HECTD4: variants seen among roughly 807,000 people sequenced by gnomAD.
HECTD4 encodes probable E3 ubiquitin-protein ligase HECTD4.
A neutral mutation model predicts 471.5 loss-of-function variants in HECTD4; 114 were observed. That is an observed-to-expected ratio of 0.24 (90% confidence interval 0.21 to 0.28). The LOEUF is 0.28. Among genes scored for constraint, HECTD4 ranks in the 10% least tolerant of loss-of-function variants. The pLI is 1.00. For missense variants in HECTD4, 3,866 were observed against 5,651.5 expected, an observed-to-expected ratio of 0.68 and a Z score of 10.13; for synonymous variants, 2,012 against 2,256.0, an observed-to-expected ratio of 0.89 and a Z score of 3.07.
rs762376807 is a variant in HECTD4, at chr12:112,283,282, T to C, written c.1356A>G (p.Val452=). 3 of 1,612,700 alleles carry C rather than the reference T, an allele frequency of 1.9e-6. No individual in the cohort carries two copies. The highest frequency in any genetic ancestry group is 2.7e-5 in the African/African-American group (2 of 74,998). The change falls in exon 8 of 76, where the codon GTA becomes GTG. Residue 452 remains valine, a synonymous_variant. Transcript: ENST00000682272. ...FELVVENGVF[V]ANPLQERTIL... ...TTGTACGTTCCTGAAGTGGGTTGGC[T>C]ACAAATACACCATTTTCAACCTAAC...
chr12:112,327,737 A>C (rs1156447755), intron 1 of HECTD4, among the ~76,000 whole-genome samples: 1 of 152,232 alleles, frequency 6.6e-6, no homozygotes, highest in African/African-American at 2.4e-5. Context: ...TGGTGACACA[A>C]GTACCACAGG....
At chr12:112,177,010 G>T (rs921178471) in intron 64 of HECTD4, among the ~76,000 whole-genome samples, 4 of 152,168 alleles carry the variant, frequency 2.6e-5, no homozygotes, top group African/African-American at 4.8e-5. Flanking sequence ...GCTACCTAAG[G>T]TTAATTAAAA....
At chr12:112,307,129 G>T (rs1412866518) in intron 6 of HECTD4, among the ~76,000 whole-genome samples, 2 of 152,170 alleles carry the variant, frequency 1.3e-5, no homozygotes, top group Non-Finnish European at 2.9e-5. Flanking sequence ...GAGAAAGTCA[G>T]ATGCCTTCAG....
intron 71 of HECTD4, 105 bp downstream of exon 71, chr12:112,167,709 T>C: frequency 2.6e-6 from 3 of 1,163,748 alleles, no homozygotes; most frequent in Non-Finnish European, 3.8e-6. Context: ...TTGGGAGGGT[T>C]TCTGAAACGG....
Position 112,243,847 on chromosome 12 carries a change from A to G in HECTD4, c.4649+27T>C, listed in dbSNP as rs746777079. On this transcript the variant is annotated intron_variant, in intron 30 of 75. Transcript: ENST00000682272. This position sits in a 1 kb window ranked among gnomAD's most constrained non-coding sequence, Gnocchi z 6.6. Reference sequence around the variant, plus strand: ...TGAATGCATTCAGCTGCATGTGGGAACCCAACCCCGGCCATTAGCCATTTA... The same window carrying G: ...TGAATGCATTCAGCTGCATGTGGGAGCCCAACCCCGGCCATTAGCCATTTA... 2 of 1,612,650 alleles carry G rather than the reference A, an allele frequency of 1.2e-6. No homozygotes were observed. Among genetic ancestry groups the G allele is most frequent in the Admixed American group, 3.3e-5 (2 of 59,908 alleles).
In HECTD4 at chr12:112,174,682, A is replaced by G. The variant is rs113065227; in HGVS notation, c.11594+1054T>C. On this transcript the variant is annotated intron_variant, in intron 66 of 75. Coordinates refer to ENST00000682272, the MANE Select transcript of HECTD4 (RefSeq NM_001388303.1). ...TGGGTTCAAGCGATTGTCCTGCCTC[A>G]GCCTCCTGAGTAGCTGGGATTATAG... Among the ~76,000 whole-genome samples, 285 of 152,230 alleles carry G rather than the reference A, an allele frequency of 1.9e-3. 1 individual carries two copies. The highest frequency in any genetic ancestry group is 3.4e-3 in the Non-Finnish European group (229 of 68,018).
Position 112,381,012 on chromosome 12 carries a change from C to A in HECTD4, c.177+940G>T, listed in dbSNP as rs1220678338. 3.3e-5 allele frequency among the ~76,000 whole-genome samples: 5 copies of A among 152,140 alleles called. No homozygotes were observed. The East Asian group carries it at 7.7e-4, about 23-fold the overall frequency. ...TTACGGCAGTAAAAATTTGATGACACCCCATGCTACCTACACATCAAAATG... is the reference window on the plus strand; with the variant it reads ...TTACGGCAGTAAAAATTTGATGACAACCCATGCTACCTACACATCAAAATG... On this transcript the variant is annotated intron_variant, in intron 1 of 75. Transcript: ENST00000682272. The surrounding 1 kb of genome is among the most constrained non-coding windows in gnomAD (Gnocchi z 4.1).
chr12:112,194,617 A>G lies in HECTD4; in HGVS notation c.8749+268T>C, dbSNP rs1165814031. ...AACAATACAGTGACTTGGTTTCATA[A>G]GTAATACTTAATTTTCCTTGATCCA... is the stretch of plus-strand genomic sequence containing the variant. On this transcript the variant is annotated intron_variant, in intron 56 of 75. Coordinates refer to ENST00000682272, the MANE Select transcript of HECTD4 (RefSeq NM_001388303.1). The surrounding 1 kb of genome is among the most constrained non-coding windows in gnomAD (Gnocchi z 4.6). 2.6e-5 allele frequency among the ~76,000 whole-genome samples: 4 copies of G among 152,252 alleles called. No homozygotes were observed. Among genetic ancestry groups the G allele is most frequent in the Non-Finnish European group, 4.4e-5 (3 of 68,044 alleles).
intron 7 of HECTD4, among the ~76,000 whole-genome samples, chr12:112,296,408 G>A (rs1165464740): frequency 6.6e-6 from 1 of 151,610 alleles, no homozygotes; most frequent in East Asian, 1.9e-4. Flanking sequence ...TGTGGGTGCA[G>A]AGGATGTAGG....
At chr12:112,310,831 C>T (rs969867879) in intron 4 of HECTD4, among the ~76,000 whole-genome samples, 14 of 152,226 alleles carry the variant, frequency 9.2e-5, no homozygotes, top group Admixed American at 7.2e-4. Flanking sequence ...ATGGCTCTGT[C>T]GAGGGGCAGA....
rs1219110392 is a variant in HECTD4, at chr12:112,261,406, A to G, written c.2772T>C (p.Ala924=). Reference sequence around the variant, plus strand: ...ATCCAGTCAGGATTTGGGTGGCAAGAGCCAAAATACTGACTTTTAGCTCCT... The same window carrying G: ...ATCCAGTCAGGATTTGGGTGGCAAGGGCCAAAATACTGACTTTTAGCTCCT... ...KVQELKVSIL[A]LATQILTGCD... is the part of the protein sequence containing the mutation. Residue 924 remains alanine (A), a synonymous_variant, in exon 18 of 76, where the codon GCT becomes GCC. Transcript: ENST00000682272. The G allele has an allele frequency of 3.1e-6, 5 of 1,609,724 alleles. No individual in the cohort carries two copies. Among genetic ancestry groups the G allele is most frequent in the African/African-American group, 1.3e-5 (1 of 74,886 alleles).
At chr12:112,339,112 C>T (rs907158853) in intron 1 of HECTD4, among the ~76,000 whole-genome samples, 4 of 152,044 alleles carry the variant, frequency 2.6e-5, no homozygotes, top group African/African-American at 9.7e-5. Flanking sequence ...TGCACATGAA[C>T]ACCACATGAC....
Position 112,172,781 on chromosome 12 carries a change from T to G in HECTD4, c.11675A>C (p.Tyr3892Ser), listed in dbSNP as rs370505974. 3 of 1,613,864 alleles carry G rather than the reference T, an allele frequency of 1.9e-6. No homozygotes were observed. The African/African-American group carries it at 4.0e-5, about 22-fold the overall frequency. Reference protein sequence around the residue: ...TLEMDVALVQYINQLCRHLAI... With the variant: ...TLEMDVALVQSINQLCRHLAI... Reference sequence around the variant, plus strand: ...GAGGTGGCGGCATAGCTGGTTGATGTACTGCACAAGTGCCACGTCCATCTC... The same window carrying G: ...GAGGTGGCGGCATAGCTGGTTGATGGACTGCACAAGTGCCACGTCCATCTC... Residue 3892 changes from tyrosine to serine, a missense_variant, in exon 67 of 76, where the codon TAC becomes TCC. Physicochemically the swap from Tyr to Ser is moderately radical, Grantham distance 144. This residue lies in a region of HECTD4 where 715 missense variants were observed against 1,087.6 expected (regional missense o/e 0.66). Coordinates refer to ENST00000682272, the MANE Select transcript of HECTD4 (RefSeq NM_001388303.1).
rs777949025 is a variant in HECTD4 at position 112,250,275 on chromosome 12, G to A, written c.3819C>T (p.Tyr1273=). 1.9e-6 allele frequency: 3 copies of A among 1,613,816 alleles called. No individual in the cohort carries two copies. Among genetic ancestry groups the A allele is most frequent in the Admixed American group, 1.7e-5 (1 of 60,004 alleles). Residue 1273 remains tyrosine, a synonymous_variant, in exon 25 of 76, where the codon TAC becomes TAT. Transcript: ENST00000682272. ...CAGGAGGCACGAGGACATCAGAGGG[G>A]TAGGTGAATTCTCTGTCTTCCTCTA... ...LTIEEDREFT[Y]PSDVLVPPVG... is the part of the protein sequence containing the mutation.
At chr12:112,214,109 T>C (rs531867490) in intron 48 of HECTD4, among the ~76,000 whole-genome samples, 4 of 152,330 alleles carry the variant, frequency 2.6e-5, no homozygotes, top group African/African-American at 9.6e-5. Context: ...AATTCCATTA[T>C]GTTTCCTACT....
intron 2 of HECTD4, among the ~76,000 whole-genome samples, chr12:112,315,012 T>A (rs895864997): frequency 3.9e-5 from 6 of 152,166 alleles, no homozygotes; most frequent in Non-Finnish European, 8.8e-5. Flanking sequence ...AAGAATATAT[T>A]CAAATAAATA....
chr12:112,176,520 C>A (rs1207552132), intron 65 of HECTD4, 76 bp downstream of exon 65: 1 of 1,029,372 alleles, frequency 9.7e-7, no homozygotes, highest in African/African-American at 1.6e-5. Flanking sequence ...AAGCAGAGGC[C>A]TGCTCCTCGG....
intron 1 of HECTD4, among the ~76,000 whole-genome samples, chr12:112,366,361 A>T (rs1316700224): frequency 6.6e-6 from 1 of 152,044 alleles, no homozygotes; most frequent in East Asian, 1.9e-4. Context: ...AATTTTTTTT[A>T]AATAAAAAAT....
chr12:112,376,240 C>A (rs1361372816), intron 1 of HECTD4, among the ~76,000 whole-genome samples: 1 of 151,922 alleles, frequency 6.6e-6, no homozygotes, highest in Non-Finnish European at 1.5e-5. Context: ...CCTCACTCTG[C>A]ATTCTTTTTT....
Sources: allele counts gnomAD v4.1 joint callset (sites outside exome capture counted in the v4.1 genomes callset), GRCh38; gene constraint gnomAD v4.1.1; regional missense constraint gnomAD v4.1.1; non-coding constraint Gnocchi (gnomAD v3.1); transcripts MANE v1.5; gene names NCBI Gene and HGNC (gene_info 2026-07-23, HGNC 2026-07-21).